Variants in BAZ2B observed in about 807,000 individuals in gnomAD.
BAZ2B encodes the protein bromodomain adjacent to zinc finger domain 2B, also known as bromodomain adjacent to zinc finger domain protein 2B.
BAZ2B carries 91 observed loss-of-function variants against 246.0 expected under a neutral mutation model. The ratio of observed to expected loss-of-function variants is 0.37; its 90% CI spans 0.31 to 0.44. BAZ2B has a LOEUF of 0.44. Among genes scored for constraint, BAZ2B ranks in the 20% least tolerant of loss-of-function variants. The pLI is 1.00. For synonymous variants in BAZ2B, 855 were observed against 860.0 expected, an observed-to-expected ratio of 0.99 and a Z score of 0.10; for missense variants, 2,332 against 2,533.7, an observed-to-expected ratio of 0.92 and a Z score of 1.71.
chr2:159,700,554 T>C, the BAZ2B span, among the ~76,000 whole-genome samples: 1 of 152,226 alleles, frequency 6.6e-6, no homozygotes, highest in African/African-American at 2.4e-5. Flanking sequence ...CCAGTGATTC[T>C]TCTGCCTCAG....
intron 1 of BAZ2B, among the ~76,000 whole-genome samples, chr2:159,602,755 T>C (rs1692460336): frequency 1.3e-5 from 2 of 152,166 alleles, no homozygotes; most frequent in Non-Finnish European, 2.9e-5. Context: ...GACCCAGCAA[T>C]TCAAGCTCTA....
intron 14 of BAZ2B, among the ~76,000 whole-genome samples, chr2:159,411,346 T>C (rs1239602115): frequency 6.6e-6 from 1 of 152,242 alleles, no homozygotes; most frequent in Admixed American, 6.5e-5. Flanking sequence ...CATAGATATT[T>C]GTTTTATAAT....
chr2:159,342,667 C>T (rs897066675), intron 31 of BAZ2B, among the ~76,000 whole-genome samples: 2 of 151,984 alleles, frequency 1.3e-5, no homozygotes, highest in African/African-American at 2.4e-5. Flanking sequence ...AGCTACCAAA[C>T]AAACAAGCAA....
rs538016883 is a variant in BAZ2B, at chr2:159,466,863, C to T, written c.145+11712G>A. On this transcript the variant is annotated intron_variant, in intron 3 of 36. Transcript: ENST00000392783. ...GGTCCTCAATGGATTAGATGATGCC[C>T]ACCTACACTGGGGAGGACAATGTGC... Among the ~76,000 whole-genome samples, 45 of 152,184 alleles carry T rather than the reference C, an allele frequency of 3.0e-4. No individual in the cohort carries two copies. The South Asian group carries it at 3.7e-3, about 13-fold the overall frequency.
rs1386085431 is a variant in BAZ2B at position 159,520,184 on chromosome 2, G to GT, written c.-3+35638dup. Among the ~76,000 whole-genome samples, 23 of 152,208 alleles carry GT rather than the reference G, an allele frequency of 1.5e-4. 1 individual carries two copies. Among genetic ancestry groups the GT allele is most frequent in the Admixed American group, 1.4e-3 (21 of 15,292 alleles). On this transcript the variant is annotated intron_variant, in intron 2 of 36. Transcript: ENST00000392783. Reference sequence around the variant, plus strand: ...TATCCAGCCTGAACACTAATAAAATGTAACAATGATGCATTCTGGTTTTCA... The same window carrying GT: ...TATCCAGCCTGAACACTAATAAAATGTTAACAATGATGCATTCTGGTTTTCA...
the BAZ2B span, among the ~76,000 whole-genome samples, chr2:159,665,010 A>T: frequency 6.7e-6 from 1 of 149,626 alleles, no homozygotes; most frequent in African/African-American, 2.5e-5. Flanking sequence ...AAGTCTCAGG[A>T]TACAAAATCA....
chr2:159,699,226 C>A, the BAZ2B span, among the ~76,000 whole-genome samples: 1 of 152,094 alleles, frequency 6.6e-6, no homozygotes, highest in Non-Finnish European at 1.5e-5. Flanking sequence ...TTAGGTTGCT[C>A]CAAGCACATC....
chr2:159,677,361 G>T, the BAZ2B span, among the ~76,000 whole-genome samples: 1 of 151,950 alleles, frequency 6.6e-6, no homozygotes, highest in African/African-American at 2.4e-5. Flanking sequence ...TTGTTTTAAA[G>T]AAATTCTTAA....
intron 2 of BAZ2B, among the ~76,000 whole-genome samples, chr2:159,524,026 G>A (rs2084443291): frequency 6.6e-6 from 1 of 151,874 alleles, no homozygotes; most frequent in Non-Finnish European, 1.5e-5. Context: ...ATAAACTATT[G>A]GAAAAAAATA....
In BAZ2B at chr2:159,438,630, T is replaced by C; in HGVS notation, c.966A>G (p.Glu322=). ...DGQKATEKAQ[E]KRIHQPLPLA... ...GAGGTAATGGCTGGTGTATTCTTTT[T>C]TCCTGGGCTTTTTCAGTTGCTTTCT... The change falls in exon 8 of 37, where the codon GAA becomes GAG. Residue 322 remains glutamate, a synonymous_variant. Coordinates refer to ENST00000392783, the MANE Select transcript of BAZ2B (RefSeq NM_013450.4). The C allele has an allele frequency of 6.2e-7, 1 of 1,613,870 alleles. No homozygotes were observed. The highest frequency in any genetic ancestry group is 8.5e-7 in the Non-Finnish European group (1 of 1,179,970).
At chr2:159,665,861 A>C in the BAZ2B span, among the ~76,000 whole-genome samples, 1 of 152,156 alleles carries the variant, frequency 6.6e-6, no homozygotes, top group East Asian at 1.9e-4. Flanking sequence ...TAGTTGGTGC[A>C]CATCCTAAAC....
the BAZ2B span, among the ~76,000 whole-genome samples, chr2:159,690,619 C>T: frequency 1.3e-5 from 2 of 152,020 alleles, no homozygotes; most frequent in South Asian, 2.1e-4. Flanking sequence ...TGCAGAAGTC[C>T]GCACACTGTA....
chr2:159,403,639 C>T (rs951466359), intron 16 of BAZ2B, among the ~76,000 whole-genome samples: 3 of 152,114 alleles, frequency 2.0e-5, no homozygotes, highest in Non-Finnish European at 2.9e-5. Context: ...CAATGTCTAG[C>T]AGTCACAATT....
At chr2:159,400,528 AATATTT>A in intron 17 of BAZ2B, 65 bp downstream of exon 17, 1 of 943,314 alleles carries the variant, frequency 1.1e-6, no homozygotes, top group South Asian at 1.5e-5. Context: ...ATGCACGCAA[AATATTT>A]ATTTTTGCAG....
chr2:159,503,545 A>C (rs1014824603), intron 2 of BAZ2B, among the ~76,000 whole-genome samples: 1 of 151,996 alleles, frequency 6.6e-6, no homozygotes, highest in Non-Finnish European at 1.5e-5. Flanking sequence ...ACTATATAAC[A>C]ATTTTTTATT....
intron 2 of BAZ2B, among the ~76,000 whole-genome samples, chr2:159,549,395 C>A (rs2087816757): frequency 6.6e-6 from 1 of 152,210 alleles, no homozygotes; most frequent in South Asian, 2.1e-4. Context: ...CTACATTATA[C>A]TTCAAAGTCT....
At chr2:159,615,109 T>C (rs1695608539) in intron 1 of BAZ2B, among the ~76,000 whole-genome samples, 1 of 151,924 alleles carries the variant, frequency 6.6e-6, no homozygotes, top group African/African-American at 2.4e-5. Flanking sequence ...GCTTCCCTCT[T>C]TATAAGGAAG....
rs1576544968 is a variant in BAZ2B, at chr2:159,398,997, C to G, written c.2899-103G>C. The G allele has an allele frequency of 4.2e-6, 4 of 960,350 alleles. No homozygotes were observed. In the East Asian group the frequency reaches 9.9e-5, roughly 24 times the overall value. The allele number at this position is 960,350 out of a possible 1,614,324, so 59.5% of individuals were successfully genotyped here. On this transcript the variant is annotated intron_variant, in intron 17 of 36. Coordinates refer to ENST00000392783, the MANE Select transcript of BAZ2B (RefSeq NM_013450.4). ...GCTACATGTCTCACAAGGTACGAAA[C>G]AGTATGTAACACATATGTAGACAAT...
the BAZ2B span, among the ~76,000 whole-genome samples, chr2:159,638,574 C>T: frequency 6.6e-6 from 1 of 151,910 alleles, no homozygotes; most frequent in Non-Finnish European, 1.5e-5. Context: ...AAGAATCAAG[C>T]AGAAATTCTA....
Sources: gnomAD v4.1 joint callset for allele counts (sites outside exome capture counted in the v4.1 genomes callset) on GRCh38, gnomAD v4.1.1 for gene constraint, MANE v1.5 for transcripts, NCBI Gene and HGNC (gene_info 2026-07-23, HGNC 2026-07-21) for gene names.